The following SULF1 variants were observed in gnomAD, a reference collection of about 807,000 sequenced individuals.
SULF1 encodes sulfatase 1.
SULF1 carries 46 observed loss-of-function variants against 110.5 expected under a neutral mutation model. The ratio of observed to expected loss-of-function variants is 0.42; its 90% CI spans 0.33 to 0.53. The LOEUF (loss-of-function observed/expected upper bound fraction) is 0.53, where lower values mean the gene tolerates loss of function less well. Among genes scored for constraint, SULF1 ranks in the 20% least tolerant of loss-of-function variants. SULF1 has a pLI of 0.12. For synonymous variants in SULF1, 371 were observed against 387.1 expected (o/e 0.96, Z 0.49); for missense variants, 941 against 1,094.2 (o/e 0.86, Z 1.98).
intron 13 of SULF1, among the ~76,000 whole-genome samples, chr8:69,612,804 G>T (rs1040287077): frequency 6.6e-6 from 1 of 152,168 alleles, no homozygotes; most frequent in Non-Finnish European, 1.5e-5. Flanking sequence ...TCTGTGGGTT[G>T]TCTGTTTACT....
intron 14 of SULF1, 81 bp downstream of exon 14, chr8:69,621,332 T>A (rs1378733847): frequency 2.0e-6 from 2 of 995,904 alleles, no homozygotes; most frequent in African/African-American, 3.2e-5. Flanking sequence ...GGGTTGCTCC[T>A]TCTACATTTT....
At chr8:69,655,330 T>C (rs1191636240) in intron 22 of SULF1, among the ~76,000 whole-genome samples, 6 of 152,202 alleles carry the variant, frequency 3.9e-5, no homozygotes, top group Non-Finnish European at 5.9e-5. Flanking sequence ...CCACTCATTT[T>C]ATGAGCCCCA....
rs976895059 is a variant in SULF1, at chr8:69,585,558, G to T, written c.413-799G>T. ...CTCTCAGAGAGACCGAGTCAGCCCT[G>T]TGGCACAGTGGTCTTTCTTGGAAGT... On this transcript the variant is annotated intron_variant, in intron 6 of 22. Coordinates refer to ENST00000402687, the MANE Select transcript of SULF1 (RefSeq NM_001128205.2). Among the ~76,000 whole-genome samples the T allele has an allele frequency of 3.3e-5, 5 of 152,138 alleles. No homozygotes were observed. In the South Asian group the frequency reaches 6.2e-4, roughly 19 times the overall value.
At chr8:69,642,534 T>G (rs1166488241) in intron 22 of SULF1, 1 of 336,146 alleles carries the variant, frequency 3.0e-6, no homozygotes, top group African/African-American at 2.2e-5. Flanking sequence ...TGGTCTCCCC[T>G]GGGTATGGGC....
intron 2 of SULF1, among the ~76,000 whole-genome samples, chr8:69,499,012 C>T (rs548901349): frequency 6.6e-6 from 1 of 152,284 alleles, no homozygotes; most frequent in East Asian, 1.9e-4. Flanking sequence ...GCATGTGCAA[C>T]CATGCCCAGC....
At chr8:69,637,086 A>G (rs983586432) in intron 19 of SULF1, among the ~76,000 whole-genome samples, 13 of 152,206 alleles carry the variant, frequency 8.5e-5, no homozygotes, top group African/African-American at 2.2e-4. Flanking sequence ...CAAAACGACA[A>G]TATTTTTTAT....
intron 19 of SULF1, among the ~76,000 whole-genome samples, chr8:69,636,539 G>GAAA (rs796254343): frequency 0.014 from 2,083 of 144,202 alleles, 40 homozygotes; most frequent in African/African-American, 0.05. Flanking sequence ...TCCATCTCAA[G>GAAA]AAAAAAAAAA....
intron 3 of SULF1, among the ~76,000 whole-genome samples, chr8:69,526,599 CAAAAAA>C (rs3059929): frequency 7.3e-6 from 1 of 136,616 alleles, no homozygotes. Flanking sequence ...GTATCTCTAC[CAAAAAA>C]AAAAAAAAAG....
intron 13 of SULF1, among the ~76,000 whole-genome samples, chr8:69,607,572 C>T (rs1166065557): frequency 6.6e-6 from 1 of 152,126 alleles, no homozygotes; most frequent in African/African-American, 2.4e-5. Flanking sequence ...CCATGTTGCC[C>T]AGGCTGATCT....
intron 22 of SULF1, among the ~76,000 whole-genome samples, chr8:69,651,210 G>T (rs1437712174): frequency 6.6e-6 from 1 of 151,762 alleles, no homozygotes; most frequent in African/African-American, 2.4e-5. Context: ...CTGCCACCAT[G>T]CCCAGCTAAT....
At chr8:69,481,116 T>C (rs1809503343) in intron 1 of SULF1, among the ~76,000 whole-genome samples, 1 of 152,126 alleles carries the variant, frequency 6.6e-6, no homozygotes, top group South Asian at 2.1e-4. Context: ...TGTAAGTATC[T>C]CAAGAAAGCC....
At chr8:69,532,384 T>G (rs1227620313) in intron 3 of SULF1, among the ~76,000 whole-genome samples, 1 of 152,184 alleles carries the variant, frequency 6.6e-6, no homozygotes, top group Non-Finnish European at 1.5e-5. Context: ...AATTCTTTTT[T>G]TTTTAAAGGA....
At chr8:69,558,559 A>G (rs1404630445) in intron 3 of SULF1, among the ~76,000 whole-genome samples, 1 of 152,242 alleles carries the variant, frequency 6.6e-6, no homozygotes, top group Non-Finnish European at 1.5e-5. Flanking sequence ...AATAAAAAAC[A>G]CAGAATTTTA....
chr8:69,626,137 CATAAA>C, intron 15 of SULF1: 2 of 45,430 alleles, frequency 4.4e-5, no homozygotes, highest in African/African-American at 1.6e-4. Context: ...CTGAGCTAGA[CATAAA>C]GGTTCTCCAA....
At chr8:69,613,968 A>T (rs1378399100) in intron 13 of SULF1, among the ~76,000 whole-genome samples, 1 of 152,044 alleles carries the variant, frequency 6.6e-6, no homozygotes, top group African/African-American at 2.4e-5. Context: ...GCAAAAAAAA[A>T]AAAATAATAA....
intron 19 of SULF1, among the ~76,000 whole-genome samples, chr8:69,630,962 TC>T (rs571232167): frequency 9.9e-5 from 15 of 150,970 alleles, no homozygotes; most frequent in African/African-American, 1.5e-4. Flanking sequence ...ATGCTATCCC[TC>T]CCCCCTGCCC....
intron 3 of SULF1, among the ~76,000 whole-genome samples, chr8:69,516,994 T>C (rs1018810803): frequency 6.6e-6 from 1 of 152,208 alleles, no homozygotes; most frequent in Non-Finnish European, 1.5e-5. Flanking sequence ...TTTACCCTGC[T>C]GTCTTAGTCC....
rs1319632541 is a variant in SULF1 at position 69,586,350 on chromosome 8, A to G, written c.413-7A>G. The G allele has an allele frequency of 1.3e-6, 2 of 1,549,684 alleles. No homozygotes were observed. The highest frequency in any genetic ancestry group is 2.8e-5 in the African/African-American group (2 of 71,716). On this transcript the variant is annotated splice_region_variant and splice_polypyrimidine_tract_variant and intron_variant, in intron 6 of 22. Transcript: ENST00000402687. ...GTGAAAAAAATAATTCTTTTTTCCC[A>G]CTGCAGCCTTTTTTGGAAAATACCT...
intron 13 of SULF1, among the ~76,000 whole-genome samples, chr8:69,612,143 T>A (rs536174659): frequency 1.3e-5 from 2 of 152,346 alleles, no homozygotes; most frequent in East Asian, 3.9e-4. Context: ...AATAGTGGTC[T>A]CCAGCTCCAT....
Sources: allele counts gnomAD v4.1 joint callset (sites outside exome capture counted in the v4.1 genomes callset), GRCh38; gene constraint gnomAD v4.1.1; transcripts MANE v1.5; gene names NCBI Gene and HGNC (gene_info 2026-07-23, HGNC 2026-07-21).